Variants in SH3BGRL2 observed in about 807,000 individuals in gnomAD.
The protein encoded by SH3BGRL2 is SH3 domain-binding glutamic acid-rich-like protein 2.
SH3BGRL2 carries 21 observed loss-of-function variants against 14.8 expected under a neutral mutation model. The observed-to-expected ratio is 1.42, with a 90% CI of 1.01 to 2.05. The LOEUF (loss-of-function observed/expected upper bound fraction) is 2.05, where lower values mean the gene tolerates loss of function less well. Among genes scored for constraint, SH3BGRL2 ranks in the 30% most tolerant of loss-of-function variants. The pLI, the probability that SH3BGRL2 is intolerant of heterozygous loss-of-function variation, is 0.00. For synonymous variants in SH3BGRL2, 50 were observed against 47.8 expected (o/e 1.05, Z -0.19); for missense variants, 147 against 130.8 (o/e 1.12, Z -0.61).
At chr6:79,539,976 A>T in the SH3BGRL2 span, among the ~76,000 whole-genome samples, 1 of 152,144 alleles carries the variant, frequency 6.6e-6, no homozygotes, top group Non-Finnish European at 1.5e-5. Flanking sequence ...AAATTCAAAA[A>T]TTTTTTCTCT....
chr6:79,624,174 A>G, the SH3BGRL2 span, among the ~76,000 whole-genome samples: 1 of 151,920 alleles, frequency 6.6e-6, no homozygotes, highest in Non-Finnish European at 1.5e-5. Context: ...TATTTCAGCA[A>G]TAATCAACAT....
chr6:79,678,751 T>C (rs763809736), intron 2 of SH3BGRL2, among the ~76,000 whole-genome samples: 1 of 152,152 alleles, frequency 6.6e-6, no homozygotes, highest in East Asian at 1.9e-4. Context: ...CAATAGGTAG[T>C]TTTTTGACGC....
At chr6:79,590,533 T>C in the SH3BGRL2 span, among the ~76,000 whole-genome samples, 1 of 148,430 alleles carries the variant, frequency 6.7e-6, no homozygotes, top group East Asian at 2.0e-4. Context: ...GTGGATGCTG[T>C]TGGAGGCCAT....
the SH3BGRL2 span, among the ~76,000 whole-genome samples, chr6:79,557,892 G>T: frequency 2.0e-5 from 3 of 152,098 alleles, no homozygotes; most frequent in African/African-American, 7.2e-5. Context: ...AATCAGTCTG[G>T]AATGGACAGA....
At chr6:79,648,263 T>TGC (rs1769183965) in intron 1 of SH3BGRL2, among the ~76,000 whole-genome samples, 1 of 121,630 alleles carries the variant, frequency 8.2e-6, no homozygotes, top group African/African-American at 3.0e-5. Context: ...GGCATATATA[T>TGC]ATATATATAT....
At chr6:79,577,733 TC>T in the SH3BGRL2 span, among the ~76,000 whole-genome samples, 3 of 152,272 alleles carry the variant, frequency 2.0e-5, no homozygotes, top group African/African-American at 7.2e-5. Flanking sequence ...TTTCTGCATT[TC>T]CAACTGAGGT....
chr6:79,620,721 G>A, the SH3BGRL2 span, among the ~76,000 whole-genome samples: 1 of 152,024 alleles, frequency 6.6e-6, no homozygotes, highest in East Asian at 1.9e-4. Context: ...AAGAGAAGAG[G>A]AGAAAGGGAG....
At chr6:79,593,300 A>AT in the SH3BGRL2 span, among the ~76,000 whole-genome samples, 4 of 152,302 alleles carry the variant, frequency 2.6e-5, no homozygotes, top group South Asian at 8.3e-4. Flanking sequence ...GTGTTTATAC[A>AT]AGAAGCAGAA....
chr6:79,693,484 G>A (rs1770268778), intron 2 of SH3BGRL2, among the ~76,000 whole-genome samples: 1 of 150,680 alleles, frequency 6.6e-6, no homozygotes, highest in Admixed American at 6.6e-5. Context: ...GTATGATATT[G>A]GCTGTGGGTT....
the SH3BGRL2 span, among the ~76,000 whole-genome samples, chr6:79,562,799 A>G: frequency 3.9e-5 from 6 of 152,224 alleles, no homozygotes; most frequent in African/African-American, 1.2e-4. Flanking sequence ...GTTTTTTTAA[A>G]AACCAAAAAT....
the SH3BGRL2 span, among the ~76,000 whole-genome samples, chr6:79,590,467 G>A: frequency 5.6e-3 from 352 of 63,400 alleles, 9 homozygotes; most frequent in African/African-American, 0.02. Flanking sequence ...ATATATATGC[G>A]CCATGGAATA....
chr6:79,586,235 C>CTTTTTTTTTTTTTTTTTTT, the SH3BGRL2 span, among the ~76,000 whole-genome samples: 2 of 54,962 alleles, frequency 3.6e-5, no homozygotes, highest in East Asian at 7.4e-4. Flanking sequence ...GTATGGACTT[C>CTTTTTTTTTTTTTTTTTTT]TTTTTTTTTT....
intron 2 of SH3BGRL2, among the ~76,000 whole-genome samples, chr6:79,679,039 A>AT (rs376185146): frequency 4.7e-4 from 71 of 152,258 alleles, no homozygotes; most frequent in African/African-American, 1.5e-3. Flanking sequence ...ACCTAGGTTG[A>AT]TTCCATGTCT....
chr6:79,693,418 G>T lies in SH3BGRL2; in HGVS notation c.232-3067G>T, dbSNP rs1161010419. Among the ~76,000 whole-genome samples, 27 of 151,510 alleles carry T rather than the reference G, an allele frequency of 1.8e-4. 1 individual carries two copies. The highest frequency in any genetic ancestry group is 5.6e-4 in the African/African-American group (23 of 41,084). On this transcript the variant is annotated intron_variant, in intron 2 of 3. Transcript: ENST00000369838. The stretch of plus-strand genomic sequence containing the variant: ...TGTTAAATAGGAGTGGTGAGAGAGG[G>T]CATCCCTGTCTTGTGCCAGTTTTCA...
At chr6:79,619,043 T>G in the SH3BGRL2 span, among the ~76,000 whole-genome samples, 2 of 152,100 alleles carry the variant, frequency 1.3e-5, no homozygotes, top group Non-Finnish European at 2.9e-5. Flanking sequence ...TTTTTCCCTG[T>G]AATAAATTTT....
chr6:79,610,005 T>C, the SH3BGRL2 span, among the ~76,000 whole-genome samples: 1 of 152,218 alleles, frequency 6.6e-6, no homozygotes, highest in Non-Finnish European at 1.5e-5. Context: ...CTTCAACCTG[T>C]TATAGTTTTA....
the SH3BGRL2 span, among the ~76,000 whole-genome samples, chr6:79,570,922 T>C: frequency 3.9e-5 from 6 of 152,184 alleles, no homozygotes; most frequent in African/African-American, 1.2e-4. Context: ...AATGTAATTA[T>C]AGAAAAGGGC....
intron 1 of SH3BGRL2, among the ~76,000 whole-genome samples, chr6:79,664,315 G>A (rs183039556): frequency 6.6e-6 from 1 of 152,332 alleles, no homozygotes; most frequent in East Asian, 1.9e-4. Context: ...CTTGTGATTG[G>A]ATTTAATGTT....
At chr6:79,670,652 C>T (rs780676351) in intron 1 of SH3BGRL2, among the ~76,000 whole-genome samples, 5 of 152,056 alleles carry the variant, frequency 3.3e-5, no homozygotes, top group Admixed American at 2.0e-4. Flanking sequence ...TGAAGAGTGG[C>T]GTAACTTATT....
Sources: allele counts gnomAD v4.1 joint callset (sites outside exome capture counted in the v4.1 genomes callset), GRCh38; gene constraint gnomAD v4.1.1; transcripts MANE v1.5; gene names NCBI Gene and HGNC (gene_info 2026-07-23, HGNC 2026-07-21).